Variants in ZBBX observed in about 807,000 individuals in gnomAD.
ZBBX encodes the protein zinc finger B-box domain containing, also known as zinc finger B-box domain-containing protein 1.
In ZBBX, 101 loss-of-function variants were observed where a neutral mutation model predicts 108.5. The observed-to-expected ratio is 0.93, with a 90% CI of 0.79 to 1.10. ZBBX has a LOEUF of 1.10. ZBBX is among the 50% of genes least tolerant of loss of function. The pLI is 0.00. For synonymous variants in ZBBX, 356 were observed against 323.4 expected, an observed-to-expected ratio of 1.10 and a Z score of -1.08; for missense variants, 1,009 against 941.4, an observed-to-expected ratio of 1.07 and a Z score of -0.94.
chr3:167,294,398 C>T (rs1288932496), intron 18 of ZBBX, among the ~76,000 whole-genome samples: 1 of 152,092 alleles, frequency 6.6e-6, no homozygotes, highest in African/African-American at 2.4e-5. Context: ...TGCCACACAT[C>T]TATAGCCATC....
At chr3:167,367,038 T>C in intron 5 of ZBBX, 1 of 372,600 alleles carries the variant, frequency 2.7e-6, no homozygotes, top group Non-Finnish European at 5.4e-6. Flanking sequence ...TAAATACTAC[T>C]GAAAGTATAA....
intron 19 of ZBBX, among the ~76,000 whole-genome samples, chr3:167,287,965 G>C (rs937995303): frequency 6.6e-6 from 1 of 152,104 alleles, no homozygotes; most frequent in Non-Finnish European, 1.5e-5. Context: ...CAAATCATAT[G>C]CAATTAAATT....
At chr3:167,184,392 G>T in the ZBBX span, among the ~76,000 whole-genome samples, 71 of 152,180 alleles carry the variant, frequency 4.7e-4, no homozygotes, top group South Asian at 0.014. Context: ...AGTTGGCCAG[G>T]CTGGTGTCGA....
At chr3:167,246,873 C>T (rs1000936395) in intron 20 of ZBBX, among the ~76,000 whole-genome samples, 1 of 152,178 alleles carries the variant, frequency 6.6e-6, no homozygotes, top group Non-Finnish European at 1.5e-5. Context: ...GCATGAACTA[C>T]AGCTAACTAT....
intron 20 of ZBBX, among the ~76,000 whole-genome samples, chr3:167,250,572 A>T (rs1289654374): frequency 6.6e-6 from 1 of 151,912 alleles, no homozygotes; most frequent in Non-Finnish European, 1.5e-5. Context: ...AGCCATCAAA[A>T]TCCAAATGGT....
chr3:167,191,397 C>T, the ZBBX span, among the ~76,000 whole-genome samples: 1 of 152,172 alleles, frequency 6.6e-6, no homozygotes, highest in South Asian at 2.1e-4. Flanking sequence ...GCTGTGTCCC[C>T]ACCCAAATCT....
chr3:167,390,569 A>T (rs1346013573), intron 1 of ZBBX, among the ~76,000 whole-genome samples: 3 of 151,834 alleles, frequency 2.0e-5, no homozygotes, highest in Non-Finnish European at 4.4e-5. Context: ...TGAATCTATA[A>T]ATTAATTTGG....
intron 20 of ZBBX, among the ~76,000 whole-genome samples, chr3:167,260,765 C>G (rs993058223): frequency 6.6e-6 from 1 of 152,244 alleles, no homozygotes; most frequent in Non-Finnish European, 1.5e-5. Flanking sequence ...TTGCATTAGG[C>G]TTCGCATTTC....
At chr3:167,348,216 AGCAAGGGAGGGAGGAG>A in intron 9 of ZBBX, among the ~76,000 whole-genome samples, 2 of 43,982 alleles carry the variant, frequency 4.5e-5, no homozygotes, top group Admixed American at 2.3e-4. Context: ...GAAGGAAGGA[AGCAAGGGAGGGAGGAG>A]GGAAGGAAGG....
chr3:167,398,538 C>A (rs1748320259), intron 1 of ZBBX, among the ~76,000 whole-genome samples: 1 of 151,774 alleles, frequency 6.6e-6, no homozygotes. Flanking sequence ...ATTTTCTATA[C>A]CTAGTGAATT....
intron 1 of ZBBX, among the ~76,000 whole-genome samples, chr3:167,398,641 T>C (rs992364866): frequency 1.3e-5 from 2 of 152,216 alleles, no homozygotes; most frequent in Middle Eastern, 3.4e-3. Context: ...AGAATTATGA[T>C]AGCACGTGAA....
the ZBBX span, among the ~76,000 whole-genome samples, chr3:167,206,367 AATTT>A: frequency 1.3e-5 from 2 of 152,002 alleles, no homozygotes; most frequent in African/African-American, 2.4e-5. Flanking sequence ...TACATACTAT[AATTT>A]ATTTATTCAT....
intron 20 of ZBBX, among the ~76,000 whole-genome samples, chr3:167,276,542 GA>G (rs1266110691): frequency 6.6e-6 from 1 of 152,074 alleles, no homozygotes; most frequent in Admixed American, 6.5e-5. Context: ...GAAGTTTAGA[GA>G]AAAAAGAATA....
At chr3:167,197,491 T>C in the ZBBX span, among the ~76,000 whole-genome samples, 1 of 152,034 alleles carries the variant, frequency 6.6e-6, no homozygotes, top group Non-Finnish European at 1.5e-5. Context: ...TGAGCCGAGA[T>C]TGCACCACCA....
intron 1 of ZBBX, among the ~76,000 whole-genome samples, chr3:167,395,466 TA>T (rs1293551645): frequency 6.6e-6 from 1 of 150,642 alleles, no homozygotes. Flanking sequence ...AATTATAGAG[TA>T]AATAATTCTG....
intron 17 of ZBBX, among the ~76,000 whole-genome samples, chr3:167,305,410 T>C (rs543180212): frequency 5.3e-5 from 8 of 152,248 alleles, no homozygotes; most frequent in African/African-American, 1.7e-4. Context: ...CCTTAAAGTA[T>C]CATTTATCAC....
chr3:167,211,072 T>TC, the ZBBX span, among the ~76,000 whole-genome samples: 3 of 152,028 alleles, frequency 2.0e-5, no homozygotes, highest in African/African-American at 7.2e-5. Context: ...AACAGAAATA[T>TC]CCAGGTATAT....
At chr3:167,204,051 A>G in the ZBBX span, among the ~76,000 whole-genome samples, 1 of 152,174 alleles carries the variant, frequency 6.6e-6, no homozygotes, top group Non-Finnish European at 1.5e-5. Flanking sequence ...CAGACAATGT[A>G]CTGAATTTAG....
chr3:167,206,290 C>G, the ZBBX span, among the ~76,000 whole-genome samples: 2 of 151,966 alleles, frequency 1.3e-5, no homozygotes, highest in South Asian at 4.1e-4. Context: ...CAGTTTCATC[C>G]ATGTTATCAC....
Sources: gnomAD v4.1 joint callset for allele counts (sites outside exome capture counted in the v4.1 genomes callset) on GRCh38, gnomAD v4.1.1 for gene constraint, MANE v1.5 for transcripts, NCBI Gene and HGNC (gene_info 2026-07-23, HGNC 2026-07-21) for gene names.